ZFYVE28: variants seen among roughly 807,000 people sequenced by gnomAD.
The protein encoded by ZFYVE28 is zinc finger FYVE-type containing 28, also known as lateral signaling target protein 2 homolog.
ZFYVE28 carries 40 observed loss-of-function variants against 82.1 expected under a neutral mutation model. The observed-to-expected ratio is 0.49, with a 90% CI of 0.38 to 0.63. The LOEUF (loss-of-function observed/expected upper bound fraction) is 0.63, where lower values mean the gene tolerates loss of function less well. Ranked by LOEUF, ZFYVE28 falls within the 30% of genes least tolerant of loss-of-function variation. ZFYVE28 has a pLI of 0.00. For synonymous variants in ZFYVE28, 612 were observed against 546.1 expected (o/e 1.12, Z -1.68); for missense variants, 1,321 against 1,242.1 (o/e 1.06, Z -0.96).
At chr4:2,289,065 TTGAGGCCAAG>T (rs1318690359) in intron 8 of ZFYVE28, among the ~76,000 whole-genome samples, 1 of 152,178 alleles carries the variant, frequency 6.6e-6, no homozygotes, top group African/African-American at 2.4e-5. Context: ...GGGAGATCAC[TTGAGGCCAAG>T]AGTTCGAGAC....
intron 8 of ZFYVE28, among the ~76,000 whole-genome samples, chr4:2,282,918 A>G (rs1167185974): frequency 1.3e-5 from 2 of 152,220 alleles, no homozygotes; most frequent in Admixed American, 6.5e-5. Flanking sequence ...TCTCTAAAGA[A>G]AAATAAATAA....
At chr4:2,364,703 G>T (rs946892499) in intron 1 of ZFYVE28, 3 of 985,482 alleles carry the variant, frequency 3.0e-6, no homozygotes, top group Non-Finnish European at 3.6e-6. Context: ...CTCGCGTCTC[G>T]CCGTCAGGGG....
Position 2,300,301 on chromosome 4 carries a change from A to C in ZFYVE28, c.2051+3988T>G, listed in dbSNP as rs1304750467. On this transcript the variant is annotated intron_variant, in intron 8 of 12. Transcript: ENST00000290974. The surrounding 1 kb of genome is among the most constrained non-coding windows in gnomAD (Gnocchi z 4.6). ...CCAAGGGTGACTTCGAGAGGACGGA[A>C]GGTTCTGGATCAAAGAGGTAAGGCT... Among the ~76,000 whole-genome samples, 1 of 152,224 alleles carries C rather than the reference A, an allele frequency of 6.6e-6. No individual in the cohort carries two copies. The highest frequency in any genetic ancestry group is 2.4e-5 in the African/African-American group (1 of 41,460).
intron 1 of ZFYVE28, among the ~76,000 whole-genome samples, chr4:2,358,852 A>G (rs1197872708): frequency 6.6e-6 from 1 of 151,928 alleles, no homozygotes; most frequent in Non-Finnish European, 1.5e-5. Flanking sequence ...CCCAGGCTAG[A>G]GTGCAGCGGT....
At chr4:2,364,755 T>C (rs1578262784) in intron 1 of ZFYVE28, 1 of 985,502 alleles carries the variant, frequency 1.0e-6, no homozygotes. Context: ...CGTTGTGCAT[T>C]CCCGCCGCCG....
intron 7 of ZFYVE28, among the ~76,000 whole-genome samples, chr4:2,310,186 G>A (rs1717275983): frequency 1.3e-5 from 2 of 152,004 alleles, no homozygotes; most frequent in South Asian, 4.2e-4. Context: ...GTACAGATGT[G>A]TACCACCATG....
In ZFYVE28 at chr4:2,335,968, T is replaced by G. The variant is rs1220821472; in HGVS notation, c.612-174A>C. Among the ~76,000 whole-genome samples the G allele has an allele frequency of 6.6e-6, 1 of 152,196 alleles. No individual in the cohort carries two copies. The highest frequency in any genetic ancestry group is 1.5e-5 in the Non-Finnish European group (1 of 68,032). ...CCTCATATGTGCAAGGGGCTGGGAC[T>G]GCAGGAAAAGGCCACACACTTCCCT... On this transcript the variant is annotated intron_variant, in intron 5 of 12. Coordinates refer to ENST00000290974, the MANE Select transcript of ZFYVE28 (RefSeq NM_020972.3). This position sits in a 1 kb window ranked among gnomAD's most constrained non-coding sequence, Gnocchi z 5.8.
At chr4:2,374,293 T>C (rs1290656098) in intron 1 of ZFYVE28, among the ~76,000 whole-genome samples, 3 of 152,134 alleles carry the variant, frequency 2.0e-5, no homozygotes, top group Non-Finnish European at 4.4e-5. Context: ...TGAAGGCTGT[T>C]AGTACAAGGA....
intron 7 of ZFYVE28, among the ~76,000 whole-genome samples, chr4:2,308,678 A>AAAGG (rs1560182427): frequency 4.8e-5 from 2 of 41,682 alleles, no homozygotes. Context: ...AGAAAGAAAG[A>AAAGG]GAAAGAAAGA....
chr4:2,273,566 G>A (rs997818885), intron 9 of ZFYVE28, among the ~76,000 whole-genome samples: 11 of 152,210 alleles, frequency 7.2e-5, no homozygotes, highest in African/African-American at 2.7e-4. Flanking sequence ...TTTATGCACA[G>A]GTCACAGCCA....
chr4:2,310,209 G>C (rs534654648), intron 7 of ZFYVE28, among the ~76,000 whole-genome samples: 1 of 151,922 alleles, frequency 6.6e-6, no homozygotes, highest in South Asian at 2.1e-4. Flanking sequence ...CAACTAATTT[G>C]TAAATTTTTT....
At chr4:2,333,748 A>G (rs932164209) in intron 6 of ZFYVE28, among the ~76,000 whole-genome samples, 3 of 152,222 alleles carry the variant, frequency 2.0e-5, no homozygotes, top group African/African-American at 7.2e-5. Flanking sequence ...CCTGTACCTG[A>G]GGCAAAGGCT....
In ZFYVE28 at chr4:2,331,494, A is replaced by C. The variant is rs1346976025; in HGVS notation, c.701+4211T>G. On this transcript the variant is annotated intron_variant, in intron 6 of 12. Coordinates refer to ENST00000290974, the MANE Select transcript of ZFYVE28 (RefSeq NM_020972.3). Reference sequence around the variant, plus strand: ...CTGTCTCTATTTTTTTTTTAATTAAAAAATAAAAATAAAAAGTTAAAAACA... The same window carrying C: ...CTGTCTCTATTTTTTTTTTAATTAACAAATAAAAATAAAAAGTTAAAAACA... 3.3e-5 allele frequency among the ~76,000 whole-genome samples: 5 copies of C among 152,238 alleles called. No individual in the cohort carries two copies. The East Asian group carries it at 7.7e-4, about 23-fold the overall frequency.
chr4:2,318,501 G>A (rs1445239129), intron 7 of ZFYVE28, among the ~76,000 whole-genome samples: 2 of 152,204 alleles, frequency 1.3e-5, no homozygotes. Context: ...AGACTGCAGT[G>A]AGCTGAGATC....
intron 2 of ZFYVE28, among the ~76,000 whole-genome samples, chr4:2,351,795 G>A (rs1724494299): frequency 6.6e-6 from 1 of 152,212 alleles, no homozygotes; most frequent in South Asian, 2.1e-4. Context: ...TGTCCAGCTG[G>A]CTGTAAACTG....
chr4:2,358,521 C>T (rs1373911035), intron 1 of ZFYVE28, among the ~76,000 whole-genome samples: 3 of 152,226 alleles, frequency 2.0e-5, no homozygotes, highest in South Asian at 2.1e-4. Context: ...CCGACTCCCA[C>T]CTGCAGAAGG....
Position 2,416,363 on chromosome 4 carries a change from G to A in ZFYVE28, c.39+1922C>T, listed in dbSNP as rs1297488265. On this transcript the variant is annotated intron_variant, in intron 1 of 12. Transcript: ENST00000290974. This position sits in a 1 kb window ranked among gnomAD's most constrained non-coding sequence, Gnocchi z 4.6. ...CAAATGCGGCCTCTTCCACAGCCAC[G>A]TCCGGAGGGGCATCCCCTAGTGTCC... Among the ~76,000 whole-genome samples, 2 of 152,128 alleles carry A rather than the reference G, an allele frequency of 1.3e-5. No homozygotes were observed. Among genetic ancestry groups the A allele is most frequent in the African/African-American group, 2.4e-5 (1 of 41,408 alleles).
chr4:2,270,841 A>G lies in ZFYVE28; in HGVS notation c.2548T>C (p.Cys850Arg), dbSNP rs777510671. 1 of 1,612,858 alleles carries G rather than the reference A, an allele frequency of 6.2e-7. No homozygotes were observed. Among genetic ancestry groups the G allele is most frequent in the Non-Finnish European group, 8.5e-7 (1 of 1,179,904 alleles). ...RSCGKIFCSR[C>R]SSHSAPLPRY... ...GGCAGCGGTGCTGAGTGCGAGGAGC[A>G]GCGCGAGCAGAAGATCTGGAATGGG... The change falls in exon 13 of 13, where the codon TGC becomes CGC. Residue 850 changes from cysteine to arginine, a missense_variant. By Grantham distance (180) the Cys-to-Arg change is radical. Coordinates refer to ENST00000290974, the MANE Select transcript of ZFYVE28 (RefSeq NM_020972.3).
At chr4:2,345,939 C>A (rs1039367681) in intron 2 of ZFYVE28, among the ~76,000 whole-genome samples, 1 of 151,974 alleles carries the variant, frequency 6.6e-6, no homozygotes, top group South Asian at 2.1e-4. Flanking sequence ...CTGTACCCAG[C>A]AAAAATATCT....
Sources: allele counts gnomAD v4.1 joint callset (sites outside exome capture counted in the v4.1 genomes callset), GRCh38; gene constraint gnomAD v4.1.1; non-coding constraint Gnocchi (gnomAD v3.1); transcripts MANE v1.5; gene names NCBI Gene and HGNC (gene_info 2026-07-23, HGNC 2026-07-21).